WDPCP: variants seen among roughly 807,000 people sequenced by gnomAD.
The protein encoded by WDPCP is WD repeat containing planar cell polarity effector, also known as WD repeat-containing and planar cell polarity effector protein fritz homolog.
WDPCP carries 71 observed loss-of-function variants against 93.1 expected under a neutral mutation model. The ratio of observed to expected loss-of-function variants is 0.76; its 90% confidence interval spans 0.63 to 0.93. The LOEUF is 0.93. Among genes scored for constraint, WDPCP ranks in the 40% least tolerant of loss-of-function variants. The probability of loss-of-function intolerance (pLI) is 0.00; values close to 1 mark genes in which losing one functional copy is unlikely to be tolerated. For missense variants in WDPCP, 844 were observed against 887.4 expected, an observed-to-expected ratio of 0.95 and a Z score of 0.62; for synonymous variants, 315 against 315.0, an observed-to-expected ratio of 1.00 and a Z score of 0.00.
chr2:63,669,929 G>A (rs1710325133), intron 2 of WDPCP, among the ~76,000 whole-genome samples: 1 of 152,106 alleles, frequency 6.6e-6, no homozygotes, highest in Admixed American at 6.5e-5. Flanking sequence ...TGAACTCAGG[G>A]AAGTTTTTTA....
At chr2:63,266,165 T>C (rs1170157765) in intron 13 of WDPCP, among the ~76,000 whole-genome samples, 1 of 152,172 alleles carries the variant, frequency 6.6e-6, no homozygotes, top group Non-Finnish European at 1.5e-5. Flanking sequence ...AGTGCAATTA[T>C]ACATGGAAAA....
At chr2:63,544,196 G>T (rs1164748116) in intron 1 of WDPCP, among the ~76,000 whole-genome samples, 3 of 151,462 alleles carry the variant, frequency 2.0e-5, no homozygotes, top group African/African-American at 7.3e-5. Flanking sequence ...TCATTATATG[G>T]TCCTTGCACA....
intron 2 of WDPCP, among the ~76,000 whole-genome samples, chr2:63,758,041 T>C (rs1014087605): frequency 2.6e-5 from 4 of 152,004 alleles, no homozygotes; most frequent in Non-Finnish European, 4.4e-5. Flanking sequence ...AATTATTTCC[T>C]TCACAAAGAC....
intron 1 of WDPCP, among the ~76,000 whole-genome samples, chr2:63,520,307 A>G (rs549097148): frequency 1.3e-5 from 2 of 152,350 alleles, no homozygotes; most frequent in South Asian, 4.1e-4. Flanking sequence ...AACTTGGAAA[A>G]CACATTTCAA....
At position 63,355,710 on chromosome 2, in the gene WDPCP, C is replaced by G. The variant is rs761581026; in HGVS notation, c.1748+22676G>C. ...GCCTGGCCAACATGGTGAGACCCCC[C>G]AACCCCCATCTCTACTGAAATATAA... On this transcript the variant is annotated intron_variant, in intron 12 of 17. Coordinates refer to ENST00000272321, the MANE Select transcript of WDPCP (RefSeq NM_015910.7). 2.6e-5 allele frequency among the ~76,000 whole-genome samples: 4 copies of G among 152,066 alleles called. No individual in the cohort carries two copies. In the East Asian group the frequency reaches 7.8e-4, roughly 30 times the overall value.
intron 6 of WDPCP, chr2:63,441,437 T>C (rs928283766): frequency 2.0e-5 from 3 of 152,052 alleles, no homozygotes; most frequent in Non-Finnish European, 4.4e-5. Flanking sequence ...TACCCTTTTC[T>C]ATTTATTTTT....
chr2:63,669,358 A>ATTTTT (rs1419665696), intron 2 of WDPCP, among the ~76,000 whole-genome samples: 1 of 76,654 alleles, frequency 1.3e-5, no homozygotes. Flanking sequence ...TTTTTATTTT[A>ATTTTT]TTTTATTTTA....
intron 1 of WDPCP, among the ~76,000 whole-genome samples, chr2:63,511,431 T>C (rs1702226576): frequency 6.6e-6 from 1 of 152,086 alleles, no homozygotes; most frequent in Non-Finnish European, 1.5e-5. Context: ...AAAGAGCCCG[T>C]AGAGCCAAGA....
At chr2:63,706,775 C>G (rs1302042617) in intron 2 of WDPCP, among the ~76,000 whole-genome samples, 1 of 151,118 alleles carries the variant, frequency 6.6e-6, no homozygotes, top group African/African-American at 2.4e-5. Flanking sequence ...CGCCACCGCG[C>G]CCGGCTAATT....
intron 3 of WDPCP, among the ~76,000 whole-genome samples, chr2:63,600,400 C>T (rs997685433): frequency 6.6e-6 from 1 of 152,170 alleles, no homozygotes; most frequent in Non-Finnish European, 1.5e-5. Context: ...TACGGAGCCA[C>T]CTTGATTTGC....
chr2:63,676,359 G>A (rs1398046812), intron 2 of WDPCP, among the ~76,000 whole-genome samples: 2 of 152,202 alleles, frequency 1.3e-5, no homozygotes, highest in Non-Finnish European at 2.9e-5. Flanking sequence ...CACAAAGGAG[G>A]AGTGACCCTG....
intron 17 of WDPCP, among the ~76,000 whole-genome samples, chr2:63,145,026 C>T (rs1671383424): frequency 6.6e-6 from 1 of 152,166 alleles, no homozygotes; most frequent in Non-Finnish European, 1.5e-5. Flanking sequence ...TGTTGTTTCT[C>T]TTCTGGGTCT....
At chr2:63,399,392 C>T (rs766779569) in intron 10 of WDPCP, among the ~76,000 whole-genome samples, 8 of 152,080 alleles carry the variant, frequency 5.3e-5, no homozygotes, top group Admixed American at 4.6e-4. Flanking sequence ...TAAATCCCTA[C>T]ACTGAGAGCC....
chr2:63,689,801 TATC>T (rs150662050), intron 2 of WDPCP, among the ~76,000 whole-genome samples: 1 of 152,316 alleles, frequency 6.6e-6, no homozygotes, highest in East Asian at 1.9e-4. Flanking sequence ...AGCTGCTCAG[TATC>T]ATATGAAATA....
At chr2:63,142,921 T>TACACACACACACACAC (rs762369666) in intron 17 of WDPCP, among the ~76,000 whole-genome samples, 1 of 76,558 alleles carries the variant, frequency 1.3e-5, no homozygotes, top group Non-Finnish European at 2.7e-5. Flanking sequence ...TACACATACA[T>TACACACACACACACAC]ATACACACAC....
intron 14 of WDPCP, among the ~76,000 whole-genome samples, chr2:63,177,910 T>C (rs879113346): frequency 6.6e-6 from 1 of 152,120 alleles, no homozygotes; most frequent in Admixed American, 6.5e-5. Flanking sequence ...ACATCCTAGT[T>C]TGTTGAACAT....
intron 13 of WDPCP, among the ~76,000 whole-genome samples, chr2:63,285,880 T>G (rs972454926): frequency 6.6e-6 from 1 of 152,226 alleles, no homozygotes; most frequent in Non-Finnish European, 1.5e-5. Flanking sequence ...TAAACTTCAC[T>G]GTTAACCAAC....
chr2:63,121,918 T>C lies in WDPCP; in HGVS notation c.*88A>G. On this transcript the variant is annotated 3_prime_UTR_variant, in exon 18 of 18. Transcript: ENST00000272321. ...TTTATATGATTCATACTGTCTCTTG[T>C]TAAAAATCCACACGGGGGATTTTAA... 5.0e-6 allele frequency: 8 copies of C among 1,590,376 alleles called. No individual in the cohort carries two copies. The highest frequency in any genetic ancestry group is 1.4e-5 in the African/African-American group (1 of 73,670).
chr2:63,229,905 A>G (rs76584310), intron 14 of WDPCP: 1 of 160,806 alleles, frequency 6.2e-6, no homozygotes. Context: ...AAAAAAAAAA[A>G]AGACAAAAAA....
Sources: gnomAD v4.1 joint callset for allele counts (sites outside exome capture counted in the v4.1 genomes callset) on GRCh38, gnomAD v4.1.1 for gene constraint, MANE v1.5 for transcripts, NCBI Gene and HGNC (gene_info 2026-07-23, HGNC 2026-07-21) for gene names.